Variants in SURF4 observed in about 807,000 individuals in gnomAD.
The protein encoded by SURF4 is surfeit 4.
SURF4 carries 3 observed loss-of-function variants against 30.0 expected under a neutral mutation model. The ratio of observed to expected loss-of-function variants is 0.10; its 90% CI spans 0.05 to 0.26. The LOEUF (loss-of-function observed/expected upper bound fraction) is 0.26. Ranked by LOEUF, SURF4 falls within the 10% of genes least tolerant of loss-of-function variation. The pLI is 1.00. For synonymous variants in SURF4, 143 were observed against 139.9 expected, an observed-to-expected ratio of 1.02 and a Z score of -0.16; for missense variants, 217 against 350.8, an observed-to-expected ratio of 0.62 and a Z score of 3.05.
intron 1 of SURF4, among the ~76,000 whole-genome samples, chr9:133,374,636 G>GA (rs954071734): frequency 3.3e-5 from 5 of 151,978 alleles, no homozygotes; most frequent in Admixed American, 1.3e-4. Context: ...GAATCTTAGG[G>GA]AAAAAATGCT....
chr9:133,363,899 C>A lies in SURF4; in HGVS notation c.544-140G>T. ...GCTACTGCTGAGACGGCTGCTGGTGCAAGTAGGGAGATAAAAGCCAAAGGG... is the reference window on the plus strand; with the variant it reads ...GCTACTGCTGAGACGGCTGCTGGTGAAAGTAGGGAGATAAAAGCCAAAGGG... On this transcript the variant is annotated intron_variant, in intron 5 of 5. Transcript: ENST00000371989. This position sits in a 1 kb window ranked among gnomAD's most constrained non-coding sequence, Gnocchi z 4.3. The A allele has an allele frequency of 1.8e-6, 2 of 1,082,464 alleles. No individual in the cohort carries two copies. The highest frequency in any genetic ancestry group is 2.0e-4 in the Middle Eastern group (1 of 5,076). The allele number at this position is 1,082,464 out of a possible 1,614,324, so 67.1% of individuals were successfully genotyped here. A position where few individuals can be genotyped will look rare whatever the true frequency, so the allele number is the denominator to read the frequency against.
chr9:133,369,335 T>G (rs1837368619), intron 1 of SURF4, among the ~76,000 whole-genome samples: 3 of 152,148 alleles, frequency 2.0e-5, no homozygotes, highest in Admixed American at 6.5e-5. Context: ...AGGTGGAGGT[T>G]CTGAGGCCCT....
intron 5 of SURF4, chr9:133,364,026 A>G (rs1361345875): frequency 1.5e-6 from 1 of 685,632 alleles, no homozygotes. Context: ...ATGAATCTCT[A>G]ATCCATAACT....
intron 1 of SURF4, among the ~76,000 whole-genome samples, chr9:133,371,983 A>G (rs2130193535): frequency 6.6e-6 from 1 of 152,346 alleles, no homozygotes; most frequent in East Asian, 1.9e-4. Context: ...AGAACCCATT[A>G]AGTGCTAATA....
intron 1 of SURF4, among the ~76,000 whole-genome samples, chr9:133,372,937 GA>G (rs1837588882): frequency 2.0e-5 from 3 of 152,210 alleles, no homozygotes; most frequent in African/African-American, 7.2e-5. Flanking sequence ...AAAGGGCATG[GA>G]AGCTCCCACA....
chr9:133,367,380 C>T lies in SURF4; in HGVS notation c.114G>A (p.Leu38=). 1 of 1,614,202 alleles carries T rather than the reference C, an allele frequency of 6.2e-7. No homozygotes were observed. The highest frequency in any genetic ancestry group is 8.5e-7 in the Non-Finnish European group (1 of 1,180,054). Residue 38 remains leucine (L), a synonymous_variant, in exon 2 of 6, where the codon CTG becomes CTA. Transcript: ENST00000371989. The stretch of plus-strand genomic sequence containing the variant: ...GGAACCACATACGGATGCCGTCCTC[C>T]AGGAAGGTGCTGATCAGACAGAGGC... ...VARLCLISTF[L]EDGIRMWFQW...
intron 1 of SURF4, among the ~76,000 whole-genome samples, chr9:133,374,504 T>A (rs1837735977): frequency 6.6e-6 from 1 of 152,076 alleles, no homozygotes; most frequent in Non-Finnish European, 1.5e-5. Context: ...GAGGTTGTGG[T>A]GTGCTGAGAT....
At chr9:133,370,980 A>C in intron 1 of SURF4, 1 of 1,288,700 alleles carries the variant, frequency 7.8e-7, no homozygotes, top group Non-Finnish European at 1.0e-6. Flanking sequence ...AGGAAGACTG[A>C]TATTTCTCTC....
rs2130083881 is a variant in SURF4 at position 133,363,289 on chromosome 9, T to C, written c.*204A>G. ...TGCCAGGCTGGCCTGCACTGAAGGG[T>C]CAGACGCCAGACTGTGGCTCCAGAG... On this transcript the variant is annotated 3_prime_UTR_variant, in exon 6 of 6. Transcript: ENST00000371989. The surrounding 1 kb of genome is among the most constrained non-coding windows in gnomAD (Gnocchi z 4.3). 1 of 914,974 alleles carries C rather than the reference T, an allele frequency of 1.1e-6. No individual in the cohort carries two copies. Among genetic ancestry groups the C allele is most frequent in the South Asian group, 1.5e-5 (1 of 68,368 alleles). The allele number at this position is 914,974 out of a possible 1,614,324, so 56.7% of individuals were successfully genotyped here.
intron 1 of SURF4, among the ~76,000 whole-genome samples, chr9:133,374,165 A>AAATGGGTCACTATAAATATT (rs1837706385): frequency 6.6e-6 from 1 of 152,198 alleles, no homozygotes; most frequent in South Asian, 2.1e-4. Context: ...GGAGAAATAT[A>AAATGGGTCACTATAAATATT]AATGGGTCAC....
intron 1 of SURF4, 38 bp downstream of exon 1, chr9:133,375,884 T>TCGGGAC (rs1282668158): frequency 6.6e-6 from 8 of 1,219,066 alleles, no homozygotes; most frequent in Non-Finnish European, 8.2e-6. Flanking sequence ...GCGGCCTGGG[T>TCGGGAC]CGGGACCGGG....
chr9:133,373,909 CAAAAAAAAAAA>C (rs71824689), intron 1 of SURF4, among the ~76,000 whole-genome samples: 1,942 of 47,590 alleles, frequency 0.041, 79 homozygotes, highest in African/African-American at 0.09. Context: ...AATTCTGTCT[CAAAAAAAAAAA>C]AAAAAAAAAA....
In SURF4 at chr9:133,367,310, C is replaced by T. The variant is rs2130139236; in HGVS notation, c.184G>A (p.Gly62Ser). The change falls in exon 2 of 6, where the codon GGC becomes AGC. Residue 62 changes from glycine to serine, a missense_variant. Coordinates refer to ENST00000371989, the MANE Select transcript of SURF4 (RefSeq NM_033161.4). ...RDYIDTTWNC[G>S]YLLASSFVFL... ...ACGAAGGACGAGGCCAGCAGGTAGC[C>T]GCAGTTCCAGGTGGTGTCGATGTAG... 2 of 1,614,130 alleles carry T rather than the reference C, an allele frequency of 1.2e-6. No individual in the cohort carries two copies. The highest frequency in any genetic ancestry group is 1.3e-5 in the African/African-American group (1 of 74,954).
At chr9:133,372,306 C>T (rs2130196061) in intron 1 of SURF4, among the ~76,000 whole-genome samples, 6 of 152,238 alleles carry the variant, frequency 3.9e-5, no homozygotes, top group Admixed American at 6.5e-5. Context: ...TGCTCGTCCC[C>T]GTGGACCAGC....
In SURF4 at chr9:133,367,405, C is replaced by T. The variant is rs2130141541; in HGVS notation, c.89G>A (p.Arg30His). 4.3e-6 allele frequency: 7 copies of T among 1,614,114 alleles called. No individual in the cohort carries two copies. The highest frequency in any genetic ancestry group is 1.1e-5 in the South Asian group (1 of 91,084). ...CAGGAAGGTGCTGATCAGACAGAGG[C>T]GCGCCACGTGGGGCAGGTACTGCTT... ...VTKQYLPHVA[R>H]LCLISTFLED... Residue 30 changes from arginine to histidine, a missense_variant, in exon 2 of 6, where the codon CGC becomes CAC. Coordinates refer to ENST00000371989, the MANE Select transcript of SURF4 (RefSeq NM_033161.4).
chr9:133,375,711 A>C (rs1837865092), intron 1 of SURF4, among the ~76,000 whole-genome samples: 1 of 151,888 alleles, frequency 6.6e-6, no homozygotes, highest in South Asian at 2.1e-4. Context: ...GGGCTCCGGG[A>C]GCGGCCCAGC....
At chr9:133,376,110 A>C (rs1440954327), upstream of SURF4, 6 of 1,201,342 alleles carry the variant, frequency 5.0e-6, no homozygotes, top group Admixed American at 8.9e-5. Context: ...AGCGGCTGCC[A>C]CGTAGGCCAA....
At chr9:133,367,524 G>A in intron 1 of SURF4, 79 bp from the exon 2 acceptor site, 2 of 1,594,288 alleles carry the variant, frequency 1.3e-6, no homozygotes, top group Non-Finnish European at 1.7e-6. Context: ...TCCTTGGGCG[G>A]GGTGTGTGAG....
upstream of SURF4, chr9:133,376,251 G>A (rs1355216418): frequency 6.1e-6 from 8 of 1,302,792 alleles, no homozygotes; most frequent in East Asian, 1.9e-4. Context: ...CTCTCACGCT[G>A]GAGGCCCCGC....
Sources: gnomAD v4.1 joint callset for allele counts (sites outside exome capture counted in the v4.1 genomes callset) on GRCh38, gnomAD v4.1.1 for gene constraint, Gnocchi (gnomAD v3.1) non-coding constraint, MANE v1.5 for transcripts, NCBI Gene and HGNC (gene_info 2026-07-23, HGNC 2026-07-21) for gene names.